MICALL1: variants seen among roughly 807,000 people sequenced by gnomAD.
MICALL1 encodes the protein MICAL-like protein 1.
In MICALL1, 61 loss-of-function variants were observed where a neutral mutation model predicts 83.7. That is an observed-to-expected ratio of 0.73 (90% CI 0.59 to 0.90). MICALL1 has a LOEUF of 0.90. Ranked by LOEUF, MICALL1 falls within the 40% of genes least tolerant of loss-of-function variation. MICALL1 has a pLI of 0.00. For synonymous variants in MICALL1, 481 were observed against 473.6 expected, an observed-to-expected ratio of 1.02 and a Z score of -0.20; for missense variants, 1,066 against 1,152.0, an observed-to-expected ratio of 0.93 and a Z score of 1.08.
chr22:37,927,594 AC>A lies in MICALL1; in HGVS notation c.1652del (p.Pro551LeufsTer16). 1 of 1,613,276 alleles carries A rather than the reference AC, an allele frequency of 6.2e-7. No individual in the cohort carries two copies. The highest frequency in any genetic ancestry group is 8.5e-7 in the Non-Finnish European group (1 of 1,179,378). On this transcript the variant is annotated frameshift_variant, in exon 9 of 16. Coordinates refer to ENST00000215957, the MANE Select transcript of MICALL1 (RefSeq NM_033386.4). LOFTEE classifies it high-confidence loss of function. ...PAVHAPGTPGNPVSLSTNSSL... is the reference protein window; with the variant it reads ...PAVHAPGTPGXPVSLSTNSSL... ...GTCCATGCCCCTGGTACCCCTGGAA[AC>A]CCTGTCAGCCTCTCTACCAACTCCT...
intron 15 of MICALL1, among the ~76,000 whole-genome samples, chr22:37,940,276 G>A (rs570868054): frequency 6.1e-4 from 93 of 151,554 alleles, no homozygotes; most frequent in African/African-American, 2.2e-3. Flanking sequence ...ACAAAAATTA[G>A]CCGGGGCGTG....
chr22:37,909,251 A>G (rs1306172076), intron 1 of MICALL1, among the ~76,000 whole-genome samples: 1 of 151,172 alleles, frequency 6.6e-6, no homozygotes, highest in Non-Finnish European at 1.5e-5. Flanking sequence ...ATGGGGTTTC[A>G]CCATGTTGGC....
chr22:37,919,320 A>G, intron 5 of MICALL1, 142 bp downstream of exon 5: 1 of 1,089,398 alleles, frequency 9.2e-7, no homozygotes, highest in Non-Finnish European at 1.2e-6. Flanking sequence ...TGAGCAAACC[A>G]AGGCTTAGTG....
rs375040400 is a variant in MICALL1, at chr22:37,937,181, G to A, written c.2410G>A (p.Glu804Lys). The A allele has an allele frequency of 1.3e-6, 2 of 1,551,050 alleles. No individual in the cohort carries two copies. The highest frequency in any genetic ancestry group is 2.0e-5 in the Admixed American group (1 of 50,956). The change falls in exon 14 of 16, where the codon GAG becomes AAG. Residue 804 changes from glutamate to lysine, a missense_variant. Transcript: ENST00000215957. The part of the protein sequence containing the change: ...QRNAIINCLD[E>K]DRQREEEEDK... ...CAACGCTATCATCAACTGCCTGGATGAGGACCGGCAGAGGTGACATGGCCA... is the reference window on the plus strand; with the variant it reads ...CAACGCTATCATCAACTGCCTGGATAAGGACCGGCAGAGGTGACATGGCCA...
At chr22:37,937,975 A>G (rs1011874484) in intron 15 of MICALL1, among the ~76,000 whole-genome samples, 183 bp downstream of exon 15, 1 of 152,128 alleles carries the variant, frequency 6.6e-6, no homozygotes, top group African/African-American at 2.4e-5. Context: ...TACAGCCAGG[A>G]AGGCTGTGGC....
rs149093579 is a variant in MICALL1 at position 37,924,880 on chromosome 22, C to T, written c.1082+163C>T. ...ACACCCCTTCTCCTGAGGCTCACCC[C>T]GGGATTCCTGCGGCCAGTGCCTGGC... On this transcript the variant is annotated intron_variant, in intron 7 of 15. Coordinates refer to ENST00000215957, the MANE Select transcript of MICALL1 (RefSeq NM_033386.4). This position sits in a 1 kb window ranked among gnomAD's most constrained non-coding sequence, Gnocchi z 5.2. 1.2e-4 allele frequency among the ~76,000 whole-genome samples: 18 copies of T among 152,224 alleles called. No individual in the cohort carries two copies. Among genetic ancestry groups the T allele is most frequent in the East Asian group, 1.9e-4 (1 of 5,172 alleles).
At chr22:37,908,951 A>C (rs940054148) in intron 1 of MICALL1, among the ~76,000 whole-genome samples, 1 of 152,178 alleles carries the variant, frequency 6.6e-6, no homozygotes, top group African/African-American at 2.4e-5. Context: ...TGGGGAGCAC[A>C]AGGTAGCGAG....
At position 37,941,828 on chromosome 22, in the gene MICALL1, T is replaced by C. The variant is rs1930453564; in HGVS notation, c.*998T>C. 1 of 152,306 alleles carries C rather than the reference T, an allele frequency of 6.6e-6. No homozygotes were observed. Among genetic ancestry groups the C allele is most frequent in the Admixed American group, 6.6e-5 (1 of 15,266 alleles). The allele number at this position is 152,306 out of a possible 1,614,324, so 9.4% of individuals were successfully genotyped here. On this transcript the variant is annotated 3_prime_UTR_variant, in exon 16 of 16. Coordinates refer to ENST00000215957, the MANE Select transcript of MICALL1 (RefSeq NM_033386.4). ...GATGGCTATGGGAGAGGAGGAGTGA[T>C]GGGGACCGCCACCTTTTCTGCAGGA...
chr22:37,937,749 G>C lies in MICALL1; in HGVS notation c.2427G>C (p.Glu809Asp). 1 of 1,613,454 alleles carries C rather than the reference G, an allele frequency of 6.2e-7. No individual in the cohort carries two copies. Among genetic ancestry groups the C allele is most frequent in the East Asian group, 2.2e-5 (1 of 44,854 alleles). The change falls in exon 15 of 16, where the codon GAG becomes GAC. Residue 809 changes from glutamate to aspartate, a missense_variant. By Grantham distance (45) the Glu-to-Asp change is conservative (BLOSUM62 2). Coordinates refer to ENST00000215957, the MANE Select transcript of MICALL1 (RefSeq NM_033386.4). ...INCLDEDRQREEEEDKMLEAM... is the reference protein window; with the variant it reads ...INCLDEDRQRDEEEDKMLEAM... ...TAACTGCTGCTGCTTATTTCAGGGA[G>C]GAAGAGGAAGACAAGATGTTGGAAG...
At chr22:37,923,477 C>T (rs1929225830) in intron 6 of MICALL1, among the ~76,000 whole-genome samples, 1 of 152,216 alleles carries the variant, frequency 6.6e-6, no homozygotes, top group Non-Finnish European at 1.5e-5. Flanking sequence ...ATCTGCCCGC[C>T]TTGGCCTCAC....
At chr22:37,915,321 C>T (rs182918156) in intron 3 of MICALL1, among the ~76,000 whole-genome samples, 9 of 152,248 alleles carry the variant, frequency 5.9e-5, no homozygotes, top group Admixed American at 3.3e-4. Context: ...ATGTCTTATA[C>T]CCCTTCCCCC....
At chr22:37,918,182 T>C (rs1400465354) in intron 4 of MICALL1, among the ~76,000 whole-genome samples, 4 of 152,176 alleles carry the variant, frequency 2.6e-5, no homozygotes, top group African/African-American at 9.7e-5. Context: ...GCTGTAAACT[T>C]CCCGGCTTGA....
At chr22:37,928,709 C>T (rs919639934) in intron 9 of MICALL1, among the ~76,000 whole-genome samples, 7 of 152,320 alleles carry the variant, frequency 4.6e-5, no homozygotes, top group Admixed American at 2.6e-4. Context: ...TGTTTGCCTC[C>T]CATCCCCTCC....
In MICALL1 at chr22:37,927,589, T is replaced by C. The variant is rs567955945; in HGVS notation, c.1644T>C (p.Pro548=). Residue 548 remains proline, a synonymous_variant, in exon 9 of 16, where the codon CCT becomes CCC. Transcript: ENST00000215957. ...SEPAVHAPGT[P]GNPVSLSTNS... is the part of the protein sequence containing the mutation. ...CTGCTGTCCATGCCCCTGGTACCCC[T>C]GGAAACCCTGTCAGCCTCTCTACCA... is the stretch of plus-strand genomic sequence containing the variant. 1 of 1,613,436 alleles carries C rather than the reference T, an allele frequency of 6.2e-7. No individual in the cohort carries two copies. The highest frequency in any genetic ancestry group is 1.1e-5 in the South Asian group (1 of 91,070).
chr22:37,937,699 C>T lies in MICALL1; in HGVS notation c.2424-47C>T, dbSNP rs1485178953. On this transcript the variant is annotated intron_variant, in intron 14 of 15. Coordinates refer to ENST00000215957, the MANE Select transcript of MICALL1 (RefSeq NM_033386.4). ...TTGGCCTCCCAAAGTGCTGGGATTA[C>T]AGGTGTGAGCCACCACGCCCAGCTT... 5 of 1,601,132 alleles carry T rather than the reference C, an allele frequency of 3.1e-6. No homozygotes were observed. In the South Asian group the frequency reaches 5.5e-5, roughly 18 times the overall value.
At chr22:37,931,619 G>A (rs1929789545) in intron 9 of MICALL1, among the ~76,000 whole-genome samples, 180 bp from the exon 10 acceptor site, 1 of 152,150 alleles carries the variant, frequency 6.6e-6, no homozygotes, top group African/African-American at 2.4e-5. Flanking sequence ...AAAAGGAAAT[G>A]GAAATGTTTA....
At chr22:37,915,645 CTTT>C (rs34900801) in intron 3 of MICALL1, among the ~76,000 whole-genome samples, 6 of 133,120 alleles carry the variant, frequency 4.5e-5, no homozygotes, top group Admixed American at 7.8e-5. Flanking sequence ...GATTAGTATT[CTTT>C]TTTTTTTTTT....
At chr22:37,940,030 A>G (rs1930347068) in intron 15 of MICALL1, among the ~76,000 whole-genome samples, 1 of 152,036 alleles carries the variant, frequency 6.6e-6, no homozygotes, top group Admixed American at 6.6e-5. Flanking sequence ...CAGAGTTTGC[A>G]GTGAGCTGAG....
Position 37,925,738 on chromosome 22 carries a change from C to G in MICALL1, c.1160C>G (p.Pro387Arg). ...CCAAAGAAGAAGCCAGCCCCACTTCCCCCAAGCAGCAGCCCGGGGCCACCA... is the reference window on the plus strand; with the variant it reads ...CCAAAGAAGAAGCCAGCCCCACTTCGCCCAAGCAGCAGCCCGGGGCCACCA... ...AEPKKKPAPLPPSSSPGPPSQ... is the reference protein window; with the variant it reads ...AEPKKKPAPLRPSSSPGPPSQ... Residue 387 changes from proline (P) to arginine (R), a missense_variant, in exon 8 of 16, where the codon CCC becomes CGC. Physicochemically the swap from Pro to Arg is moderately radical, Grantham distance 103 (BLOSUM62 -2). Coordinates refer to ENST00000215957, the MANE Select transcript of MICALL1 (RefSeq NM_033386.4). 2 of 1,612,386 alleles carry G rather than the reference C, an allele frequency of 1.2e-6. No individual in the cohort carries two copies. The highest frequency in any genetic ancestry group is 1.7e-6 in the Non-Finnish European group (2 of 1,179,816).
Sources: gnomAD v4.1 joint callset for allele counts (sites outside exome capture counted in the v4.1 genomes callset) on GRCh38, gnomAD v4.1.1 for gene constraint, Gnocchi (gnomAD v3.1) non-coding constraint, MANE v1.5 for transcripts, NCBI Gene and HGNC (gene_info 2026-07-23, HGNC 2026-07-21) for gene names.